The following RBM48 variants were observed in gnomAD, a reference collection of about 807,000 sequenced individuals.
RBM48 encodes the protein RNA binding motif protein 48.
Under a neutral mutation model 34.8 loss-of-function variants are expected in RBM48, and 32 were observed. That is an observed-to-expected ratio of 0.92 (90% CI 0.69 to 1.23). The LOEUF is 1.23. Ranked by LOEUF, RBM48 falls within the 50% of genes most tolerant of loss-of-function variation. RBM48 has a pLI of 0.00. For synonymous variants in RBM48, 151 were observed against 156.2 expected (o/e 0.97, Z 0.25); for missense variants, 441 against 447.2 (o/e 0.99, Z 0.12).
Position 92,537,012 on chromosome 7 carries a change from A to T in RBM48, c.*75A>T. ...TTTTAGCCTGTCATTTTAATTCTTC[A>T]AGAGATTTTACTGCTGGTATTTTTT... is the stretch of plus-strand genomic sequence containing the variant. On this transcript the variant is annotated 3_prime_UTR_variant, in exon 5 of 5. Transcript: ENST00000265732. 1.8e-6 allele frequency: 2 copies of T among 1,103,804 alleles called. No individual in the cohort carries two copies. 68.4% of individuals were successfully genotyped at this position (1,103,804 alleles called of 1,614,324 possible). A position where few individuals can be genotyped will look rare whatever the true frequency, so the allele number is the denominator to read the frequency against.
At chr7:92,534,034 A>G (rs1171417140) in intron 3 of RBM48, among the ~76,000 whole-genome samples, 1 of 152,048 alleles carries the variant, frequency 6.6e-6, no homozygotes, top group Non-Finnish European at 1.5e-5. Context: ...TCTACAGTGA[A>G]ATGGAAAATG....
chr7:92,529,190 A>T, intron 1 of RBM48: 1 of 578,020 alleles, frequency 1.7e-6, no homozygotes, highest in Middle Eastern at 4.5e-4. Context: ...ACAGGTAAGC[A>T]CTCAGTGAAT....
At chr7:92,529,403 T>G in intron 1 of RBM48, 73 bp from the exon 2 acceptor site, 1 of 838,962 alleles carries the variant, frequency 1.2e-6, no homozygotes, top group East Asian at 2.6e-5. Context: ...AAGTTCTCTT[T>G]AAAAAAAAAT....
In RBM48 at chr7:92,538,578, C is replaced by G. The variant is rs977230638; in HGVS notation, c.*1641C>G. 5.9e-5 allele frequency among the ~76,000 whole-genome samples: 9 copies of G among 152,092 alleles called. No individual in the cohort carries two copies. The highest frequency in any genetic ancestry group is 1.5e-5 in the Non-Finnish European group (1 of 68,008). On this transcript the variant is annotated 3_prime_UTR_variant, in exon 5 of 5. Coordinates refer to ENST00000265732, the MANE Select transcript of RBM48 (RefSeq NM_032120.4). ...TACTTCCATGTGAGGTAATTAGATA[C>G]AGTTTTTGCTGAAATCTCAGGTAAA...
intron 2 of RBM48, among the ~76,000 whole-genome samples, chr7:92,530,694 G>A (rs1472454906): frequency 6.6e-6 from 1 of 151,952 alleles, no homozygotes; most frequent in South Asian, 2.1e-4. Flanking sequence ...CAGCTCCTGG[G>A]GAGGCTGAGG....
intron 3 of RBM48, 37 bp from the exon 4 acceptor site, chr7:92,534,365 T>G: frequency 6.4e-7 from 1 of 1,573,594 alleles, no homozygotes; most frequent in Non-Finnish European, 8.6e-7. Flanking sequence ...ACCACTTCTG[T>G]TTCCCTTTCC....
At position 92,534,582 on chromosome 7, in the gene RBM48, G is replaced by T; in HGVS notation, c.629G>T (p.Cys210Phe). Residue 210 changes from cysteine to phenylalanine, a missense_variant, in exon 4 of 5, where the codon TGT (cysteine) becomes TTT (phenylalanine). Physicochemically the swap from Cys to Phe is radical, Grantham distance 205. Coordinates refer to ENST00000265732, the MANE Select transcript of RBM48 (RefSeq NM_032120.4). ...ELPLCYFSSK[C>F]MCSSGGPVDR... ...CCTTTATGTTATTTCTCCTCAAAAT[G>T]TATGTGTTCATCCGGGGGACCTGTA... 6.2e-7 allele frequency: 1 copy of T among 1,614,124 alleles called. No homozygotes were observed. The highest frequency in any genetic ancestry group is 8.5e-7 in the Non-Finnish European group (1 of 1,180,010).
chr7:92,533,960 G>GAAAA (rs1793637057), intron 3 of RBM48, among the ~76,000 whole-genome samples: 1 of 104,068 alleles, frequency 9.6e-6, no homozygotes, highest in African/African-American at 4.0e-5. Flanking sequence ...GGAATACTCT[G>GAAAA]AAATTGTAAA....
In RBM48 at chr7:92,537,485, C is replaced by A. The variant is rs1793750086; in HGVS notation, c.*548C>A. Reference sequence around the variant, plus strand: ...AATTGAAGCAAATATGGAAACTTTACAATAGAAATAAAGATAGGCAGCCAG... The same window carrying A: ...AATTGAAGCAAATATGGAAACTTTAAAATAGAAATAAAGATAGGCAGCCAG... On this transcript the variant is annotated 3_prime_UTR_variant, in exon 5 of 5. Coordinates refer to ENST00000265732, the MANE Select transcript of RBM48 (RefSeq NM_032120.4). 6.6e-6 allele frequency: 1 copy of A among 152,090 alleles called. No homozygotes were observed. The highest frequency in any genetic ancestry group is 2.4e-5 in the African/African-American group (1 of 41,400). 9.4% of individuals were successfully genotyped at this position (152,090 alleles called of 1,614,324 possible).
Position 92,539,743 on chromosome 7 carries a change from TAAAG to T in RBM48, c.*2807_*2810del, listed in dbSNP as rs1273329312. Among the ~76,000 whole-genome samples, 6 of 152,182 alleles carry T rather than the reference TAAAG, an allele frequency of 3.9e-5. No homozygotes were observed. The highest frequency in any genetic ancestry group is 1.9e-4 in the East Asian group (1 of 5,196). On this transcript the variant is annotated 3_prime_UTR_variant, in exon 5 of 5. Coordinates refer to ENST00000265732, the MANE Select transcript of RBM48 (RefSeq NM_032120.4). ...TACCATGTTTGAAAAGCATAGTTGA[TAAAG>T]GAAGAACATGTAAGGCAATTTTATG...
chr7:92,528,896 G>C lies in RBM48; in HGVS notation c.83G>C (p.Arg28Pro), dbSNP rs755253229. The change falls in exon 1 of 5, where the codon CGA becomes CCA. Residue 28 changes from arginine (R) to proline (P), a missense_variant. Arg to Pro is a moderately radical substitution (Grantham distance 103, BLOSUM62 -2). Transcript: ENST00000265732. ...RAVCDTRAKY[R>P]EGRRPRAVKV... ...GTATGCGACACACGGGCCAAATATCGAGAGGGACGACGGCCTCGTGCTGTG... is the reference window on the plus strand; with the variant it reads ...GTATGCGACACACGGGCCAAATATCCAGAGGGACGACGGCCTCGTGCTGTG... 1.2e-6 allele frequency: 2 copies of C among 1,614,012 alleles called. No homozygotes were observed. Among genetic ancestry groups the C allele is most frequent in the Admixed American group, 1.7e-5 (1 of 60,016 alleles).
intron 3 of RBM48, 36 bp downstream of exon 3, chr7:92,532,585 T>A: frequency 6.7e-7 from 1 of 1,482,694 alleles, no homozygotes; most frequent in South Asian, 1.2e-5. Context: ...CTCCTGTGTG[T>A]CAGGCACTCT....
chr7:92,533,747 GTATTAA>G (rs886333406), intron 3 of RBM48, among the ~76,000 whole-genome samples: 5 of 152,126 alleles, frequency 3.3e-5, no homozygotes, highest in African/African-American at 9.7e-5. Context: ...TAACTCCCAT[GTATTAA>G]TATTAACATT....
chr7:92,536,553 T>A, intron 4 of RBM48: 1 of 1,021,174 alleles, frequency 9.8e-7, no homozygotes, highest in South Asian at 4.6e-5. Flanking sequence ...GAATCCGTAA[T>A]ATAACAAGTG....
rs1206665268 is a variant in RBM48 at position 92,539,956 on chromosome 7, A to G, written c.*3019A>G. ...TGGTGTACTTGCTGAAACTCTATTC[A>G]GTGTTCTATCCCTTAAGCAAGCCAA... On this transcript the variant is annotated 3_prime_UTR_variant, in exon 5 of 5. Transcript: ENST00000265732. Among the ~76,000 whole-genome samples, 1 of 152,216 alleles carries G rather than the reference A, an allele frequency of 6.6e-6. No individual in the cohort carries two copies. The highest frequency in any genetic ancestry group is 2.4e-5 in the African/African-American group (1 of 41,466).
chr7:92,535,997 C>A, intron 4 of RBM48: 1 of 365,416 alleles, frequency 2.7e-6, no homozygotes, highest in Non-Finnish European at 3.8e-6. Flanking sequence ...ATTAGCCAGG[C>A]GTGGTGGTGA....
intron 4 of RBM48, 95 bp from the exon 5 acceptor site, chr7:92,536,756 T>C: frequency 7.1e-7 from 1 of 1,417,020 alleles, no homozygotes; most frequent in Non-Finnish European, 9.2e-7. Context: ...CATCAAGGAT[T>C]GAACTATTGG....
rs574913066 is a variant in RBM48, at chr7:92,529,604, A to C, written c.240A>C (p.Glu80Asp). The change falls in exon 2 of 5, where the codon GAA becomes GAC. Residue 80 changes from glutamate (E) to aspartate (D), a missense_variant. Glu to Asp is a conservative substitution (Grantham distance 45). Transcript: ENST00000265732. ...GAIEQYNALD[E>D]YPAEDFTEVY... ...TTGAACAGTACAATGCTCTAGATGA[A>C]TACCCAGCAGAAGACTTTACTGAAG... 6.2e-7 allele frequency: 1 copy of C among 1,611,120 alleles called. No homozygotes were observed. Among genetic ancestry groups the C allele is most frequent in the East Asian group, 2.2e-5 (1 of 44,860 alleles).
Position 92,528,877 on chromosome 7 carries a change from G to A in RBM48, c.64G>A (p.Asp22Asn), listed in dbSNP as rs1371984013. 1.9e-6 allele frequency: 3 copies of A among 1,614,150 alleles called. No individual in the cohort carries two copies. Among genetic ancestry groups the A allele is most frequent in the Non-Finnish European group, 2.5e-6 (3 of 1,180,024 alleles). ...TCACCACGTCCAGAGGGCGGTATGCGACACACGGGCCAAATATCGAGAGGG... is the reference window on the plus strand; with the variant it reads ...TCACCACGTCCAGAGGGCGGTATGCAACACACGGGCCAAATATCGAGAGGG... ...FDHHVQRAVCDTRAKYREGRR... is the reference protein window; with the variant it reads ...FDHHVQRAVCNTRAKYREGRR... Residue 22 changes from aspartate (D) to asparagine (N), a missense_variant, in exon 1 of 5, where the codon GAC (aspartate) becomes AAC (asparagine). Physicochemically the swap from Asp to Asn is conservative, Grantham distance 23. Transcript: ENST00000265732.
Sources: allele counts gnomAD v4.1 joint callset (sites outside exome capture counted in the v4.1 genomes callset), GRCh38; gene constraint gnomAD v4.1.1; transcripts MANE v1.5; gene names NCBI Gene and HGNC (gene_info 2026-07-23, HGNC 2026-07-21).